PPP2R3A: variants seen among roughly 807,000 people sequenced by gnomAD.
PPP2R3A encodes protein phosphatase 2 regulatory subunit B''alpha, also known as serine/threonine-protein phosphatase 2A regulatory subunit B'' subunit alpha.
PPP2R3A carries 80 observed loss-of-function variants against 106.9 expected under a neutral mutation model. The ratio of observed to expected loss-of-function variants is 0.75; its 90% CI spans 0.62 to 0.90. The LOEUF (loss-of-function observed/expected upper bound fraction) is 0.90, where lower values mean the gene tolerates loss of function less well. PPP2R3A is among the 40% of genes least tolerant of loss of function. The pLI is 0.00. For missense variants in PPP2R3A, 1,386 were observed against 1,350.4 expected (o/e 1.03, Z -0.41); for synonymous variants, 483 against 468.3 (o/e 1.03, Z -0.41).
chr3:135,973,501 G>C (rs1453326828), intron 1 of PPP2R3A, among the ~76,000 whole-genome samples: 1 of 152,144 alleles, frequency 6.6e-6, no homozygotes, highest in Non-Finnish European at 1.5e-5. Flanking sequence ...CAGGGCCCCA[G>C]ATGCAAGAGG....
chr3:136,127,661 A>C (rs1938233235), intron 13 of PPP2R3A, among the ~76,000 whole-genome samples: 1 of 152,178 alleles, frequency 6.6e-6, no homozygotes, highest in African/African-American at 2.4e-5. Context: ...AAATACAGAG[A>C]ACACCACAAA....
At chr3:135,970,890 A>G (rs1398276665) in intron 1 of PPP2R3A, among the ~76,000 whole-genome samples, 1 of 152,046 alleles carries the variant, frequency 6.6e-6, no homozygotes, top group Non-Finnish European at 1.5e-5. Flanking sequence ...TTTTGCCAGG[A>G]CTGTTGAAGG....
chr3:135,986,544 A>G (rs1324626845), intron 1 of PPP2R3A, among the ~76,000 whole-genome samples: 1 of 151,602 alleles, frequency 6.6e-6, no homozygotes, highest in African/African-American at 2.4e-5. Flanking sequence ...TGTCAGTTTC[A>G]TCTCCTATTT....
At chr3:136,089,525 C>T (rs1033440729) in intron 9 of PPP2R3A, among the ~76,000 whole-genome samples, 3 of 151,128 alleles carry the variant, frequency 2.0e-5, no homozygotes, top group Admixed American at 6.6e-5. Context: ...TGATACCTCT[C>T]GCTTGGTTGT....
intron 5 of PPP2R3A, 133 bp from the exon 6 acceptor site, chr3:136,070,343 ATT>A: frequency 1.6e-6 from 1 of 608,956 alleles, no homozygotes; most frequent in South Asian, 2.4e-5. Flanking sequence ...TTAATAAAGA[ATT>A]AAATTTTAAG....
intron 2 of PPP2R3A, among the ~76,000 whole-genome samples, chr3:136,025,803 A>G (rs116193190): frequency 0.011 from 1,651 of 152,268 alleles, 25 homozygotes; most frequent in African/African-American, 0.033. Flanking sequence ...TACTTTATGT[A>G]GCATCTAATA....
At chr3:136,140,862 A>T (rs1454431710) in intron 13 of PPP2R3A, among the ~76,000 whole-genome samples, 2 of 152,176 alleles carry the variant, frequency 1.3e-5, no homozygotes, top group African/African-American at 4.8e-5. Flanking sequence ...GTGAGCCGAG[A>T]TCACGCCGTT....
rs34558229 is a variant in PPP2R3A at position 136,136,045 on chromosome 3, C to CAAAAA, written c.3330-8974_3330-8970dup. On this transcript the variant is annotated intron_variant, in intron 13 of 13. Transcript: ENST00000264977. ...TGGGCAACAGAGCAAGACTCCGTCT[C>CAAAAA]AAAAAAAAAAAAAAAAAAAAAAAAA... is the stretch of plus-strand genomic sequence containing the variant. Among the ~76,000 whole-genome samples, 65 of 22,350 alleles carry CAAAAA rather than the reference C, an allele frequency of 2.9e-3. 2 individuals carry two copies. The highest frequency in any genetic ancestry group is 5.1e-3 in the African/African-American group (31 of 6,094). 14.7% of individuals were successfully genotyped at this position (22,350 alleles called of 152,430 possible). A position where few individuals can be genotyped will look rare whatever the true frequency, so the allele number is the denominator to read the frequency against.
Position 136,041,037 on chromosome 3 carries a change from C to T in PPP2R3A, c.2366+75C>T, listed in dbSNP as rs1317305235. The T allele has an allele frequency of 4.1e-6, 5 of 1,206,864 alleles. No individual in the cohort carries two copies. The African/African-American group carries it at 7.7e-5, about 18-fold the overall frequency. 74.8% of individuals were successfully genotyped at this position (1,206,864 alleles called of 1,614,324 possible). On this transcript the variant is annotated intron_variant, in intron 4 of 13. Coordinates refer to ENST00000264977, the MANE Select transcript of PPP2R3A (RefSeq NM_002718.5). ...CTCATGACATGCTTTCTAAAGGTCA[C>T]CTATTTTACTCATTTATACATTTTC...
chr3:136,062,553 C>T (rs1243576951), intron 5 of PPP2R3A, among the ~76,000 whole-genome samples: 1 of 151,964 alleles, frequency 6.6e-6, no homozygotes, highest in African/African-American at 2.4e-5. Context: ...CCCGTCTCCA[C>T]TAAAAATACA....
At position 136,087,952 on chromosome 3, in the gene PPP2R3A, G is replaced by A. The variant is rs199801949; in HGVS notation, c.2837+21G>A. 97 of 1,582,716 alleles carry A rather than the reference G, an allele frequency of 6.1e-5. No individual in the cohort carries two copies. In the African/African-American group the frequency reaches 1.2e-3, roughly 19 times the overall value. On this transcript the variant is annotated intron_variant, in intron 9 of 13. Coordinates refer to ENST00000264977, the MANE Select transcript of PPP2R3A (RefSeq NM_002718.5). ...ACAAGGTAAGAAAACGTTTAATGCT[G>A]TGTTTAAAAATGAACTACAAGTAAT...
At chr3:136,065,786 C>T (rs1485258034) in intron 5 of PPP2R3A, among the ~76,000 whole-genome samples, 1 of 152,174 alleles carries the variant, frequency 6.6e-6, no homozygotes, top group African/African-American at 2.4e-5. Flanking sequence ...AGCAATTCTC[C>T]CACCTTAGCC....
chr3:136,002,728 C>T lies in PPP2R3A; in HGVS notation c.1230C>T (p.Asp410=). Residue 410 remains aspartate (D), a synonymous_variant, in exon 2 of 14, where the codon GAC becomes GAT. Transcript: ENST00000264977. ...MNPLENVSSD[D]LMETLYIEEE... ...CTTTAGAAAATGTTTCTTCTGACGA[C>T]TTAATGGAAACTCTTTATATTGAAG... The T allele has an allele frequency of 6.2e-7, 1 of 1,612,790 alleles. No individual in the cohort carries two copies. The highest frequency in any genetic ancestry group is 8.5e-7 in the Non-Finnish European group (1 of 1,179,586).
intron 5 of PPP2R3A, among the ~76,000 whole-genome samples, chr3:136,060,624 C>CCTG (rs148882582): frequency 1.3e-5 from 2 of 152,240 alleles, no homozygotes; most frequent in East Asian, 3.9e-4. Flanking sequence ...TTGTAAGTTT[C>CCTG]CTGAGGGCTC....
At chr3:136,036,343 T>C (rs941950426) in intron 3 of PPP2R3A, among the ~76,000 whole-genome samples, 1 of 152,176 alleles carries the variant, frequency 6.6e-6, no homozygotes, top group Non-Finnish European at 1.5e-5. Context: ...CTCATATGGG[T>C]AGGCTCTGTC....
chr3:135,976,211 G>A (rs947089001), intron 1 of PPP2R3A, among the ~76,000 whole-genome samples: 4 of 152,064 alleles, frequency 2.6e-5, no homozygotes, highest in African/African-American at 4.8e-5. Flanking sequence ...TGTAAGTTTC[G>A]GCTAGTGATA....
At chr3:136,025,623 T>C (rs1257789138) in intron 2 of PPP2R3A, among the ~76,000 whole-genome samples, 3 of 152,126 alleles carry the variant, frequency 2.0e-5, no homozygotes, top group African/African-American at 7.2e-5. Context: ...AAAATTATGT[T>C]ATAAACCTAT....
At chr3:136,005,309 A>G (rs1933803852) in intron 2 of PPP2R3A, among the ~76,000 whole-genome samples, 1 of 152,210 alleles carries the variant, frequency 6.6e-6, no homozygotes, top group African/African-American at 2.4e-5. Flanking sequence ...ATCCAAAAAA[A>G]TTCTAAATCT....
intron 4 of PPP2R3A, among the ~76,000 whole-genome samples, chr3:136,043,415 C>T (rs773391027): frequency 6.6e-5 from 10 of 152,064 alleles, no homozygotes; most frequent in Non-Finnish European, 1.2e-4. Flanking sequence ...GCCGAGATCG[C>T]GCCTCTGCAC....
Sources: allele counts gnomAD v4.1 joint callset (sites outside exome capture counted in the v4.1 genomes callset), GRCh38; gene constraint gnomAD v4.1.1; transcripts MANE v1.5; gene names NCBI Gene and HGNC (gene_info 2026-07-23, HGNC 2026-07-21).